Variants in GLI3 observed in about 807,000 individuals in gnomAD.
GLI3 encodes transcription activator GLI3.
A neutral mutation model predicts 100.8 loss-of-function variants in GLI3; 20 were observed. The observed-to-expected ratio is 0.20, with a 90% CI of 0.14 to 0.29. The LOEUF (loss-of-function observed/expected upper bound fraction) is 0.29. Among genes scored for constraint, GLI3 ranks in the 10% least tolerant of loss-of-function variants. GLI3 has a pLI of 1.00. For synonymous variants in GLI3, 938 were observed against 860.5 expected (o/e 1.09, Z -1.58); for missense variants, 2,040 against 2,128.5 (o/e 0.96, Z 0.82).
Position 42,114,572 on chromosome 7 carries a change from C to T in GLI3, c.367+33654G>A, listed in dbSNP as rs10235093. Among the ~76,000 whole-genome samples, 361 of 152,340 alleles carry T rather than the reference C, an allele frequency of 2.4e-3. 3 individuals are homozygous for T. Among genetic ancestry groups the T allele is most frequent in the African/African-American group, 8.0e-3 (333 of 41,584 alleles). On this transcript the variant is annotated intron_variant, in intron 3 of 14. Transcript: ENST00000395925. ...GTCACTGCTAAGTGACACATCCGCA[C>T]TGTGCTGTGAAGTTCCAAGAACCCT... is the stretch of plus-strand genomic sequence containing the variant.
intron 10 of GLI3, 117 bp downstream of exon 10, chr7:42,023,351 C>T: frequency 1.9e-6 from 2 of 1,029,658 alleles, no homozygotes; most frequent in Non-Finnish European, 3.0e-6. Flanking sequence ...ATAAAGCCCT[C>T]TCCAGTTCGC....
chr7:42,082,086 C>G (rs901969809), intron 3 of GLI3, among the ~76,000 whole-genome samples: 4 of 151,876 alleles, frequency 2.6e-5, no homozygotes, highest in Non-Finnish European at 4.4e-5. Flanking sequence ...TAAACAGCAT[C>G]CGCTATGCTA....
At chr7:42,228,259 G>C (rs2128704501) in intron 1 of GLI3, among the ~76,000 whole-genome samples, 1 of 152,274 alleles carries the variant, frequency 6.6e-6, no homozygotes, top group South Asian at 2.1e-4. Flanking sequence ...GCTCAGAGAC[G>C]GCTCTGGGTG....
At chr7:42,228,540 G>A (rs1429093231) in intron 1 of GLI3, among the ~76,000 whole-genome samples, 1 of 152,194 alleles carries the variant, frequency 6.6e-6, no homozygotes, top group Non-Finnish European at 1.5e-5. Flanking sequence ...AGTTGGCCCA[G>A]CCAAATTTCC....
In GLI3 at chr7:42,154,826, G is replaced by A. The variant is rs746014625; in HGVS notation, c.125-6358C>T. ...GTCTAGAGCTTGGCTTCCAAAGGGCGTGAGCAAACAATGCCCACTCTAAGA... is the reference window on the plus strand; with the variant it reads ...GTCTAGAGCTTGGCTTCCAAAGGGCATGAGCAAACAATGCCCACTCTAAGA... On this transcript the variant is annotated intron_variant, in intron 2 of 14. Transcript: ENST00000395925. Among the ~76,000 whole-genome samples the A allele has an allele frequency of 2.1e-3, 319 of 152,336 alleles. 3 individuals are homozygous for A. Among genetic ancestry groups the A allele is most frequent in the East Asian group, 5.8e-4 (3 of 5,180 alleles).
chr7:42,144,819 T>C (rs1786662624), intron 3 of GLI3, among the ~76,000 whole-genome samples: 1 of 152,150 alleles, frequency 6.6e-6, no homozygotes, highest in South Asian at 2.1e-4. Context: ...AATGAAGGAA[T>C]TGCTGTGAGT....
At chr7:41,986,458 C>T (rs2237431) in intron 10 of GLI3, among the ~76,000 whole-genome samples, 75,494 of 144,858 alleles carry the variant, frequency 0.52, 20,192 homozygotes, top group East Asian at 0.82. Flanking sequence ...CTGGACTATG[C>T]TTCACTGCAG....
intron 3 of GLI3, among the ~76,000 whole-genome samples, chr7:42,143,075 C>T (rs1786611913): frequency 6.6e-6 from 1 of 151,958 alleles, no homozygotes; most frequent in Non-Finnish European, 1.5e-5. Flanking sequence ...GGGAGCTATT[C>T]TCAAGCTCAC....
intron 3 of GLI3, among the ~76,000 whole-genome samples, chr7:42,136,502 G>C (rs1441335003): frequency 1.3e-5 from 2 of 152,196 alleles, no homozygotes; most frequent in South Asian, 2.1e-4. Flanking sequence ...TATGGCCTGT[G>C]GTGGTGATTA....
At chr7:42,119,074 G>C (rs1785931256) in intron 3 of GLI3, among the ~76,000 whole-genome samples, 1 of 152,158 alleles carries the variant, frequency 6.6e-6, no homozygotes, top group South Asian at 2.1e-4. Flanking sequence ...TCACCTACAA[G>C]TGACAAGGCT....
At chr7:42,209,220 A>G (rs1487150406) in intron 2 of GLI3, among the ~76,000 whole-genome samples, 2 of 151,862 alleles carry the variant, frequency 1.3e-5, no homozygotes, top group East Asian at 3.9e-4. Flanking sequence ...CTAATTTTTT[A>G]ATAATTTTTT....
chr7:41,987,288 C>A (rs1211223406), intron 10 of GLI3, among the ~76,000 whole-genome samples: 3 of 151,998 alleles, frequency 2.0e-5, no homozygotes, highest in African/African-American at 7.2e-5. Flanking sequence ...TCTGCCTCAG[C>A]CTCCTGAGCA....
intron 3 of GLI3, among the ~76,000 whole-genome samples, chr7:42,117,831 C>T (rs1033046141): frequency 1.1e-4 from 17 of 152,216 alleles, no homozygotes; most frequent in Non-Finnish European, 2.4e-4. Flanking sequence ...GAAAGAAAAC[C>T]CAGCTCGAGG....
intron 3 of GLI3, chr7:42,118,378 A>G (rs529918300): frequency 5.0e-6 from 2 of 398,568 alleles, no homozygotes; most frequent in Admixed American, 4.4e-5. Flanking sequence ...TGATGGATAC[A>G]AAGTTTAGAG....
At chr7:42,065,579 AT>A (rs1279797896) in intron 4 of GLI3, among the ~76,000 whole-genome samples, 1 of 152,198 alleles carries the variant, frequency 6.6e-6, no homozygotes, top group Non-Finnish European at 1.5e-5. Context: ...AAAAAATAGC[AT>A]ATGTACAAGA....
chr7:42,174,455 G>A (rs917395231), intron 2 of GLI3, among the ~76,000 whole-genome samples: 3 of 152,140 alleles, frequency 2.0e-5, no homozygotes, highest in African/African-American at 7.2e-5. Flanking sequence ...CAGTCCCGCG[G>A]ACTCAGTGGA....
At chr7:42,154,368 C>A (rs1311074938) in intron 2 of GLI3, among the ~76,000 whole-genome samples, 1 of 152,172 alleles carries the variant, frequency 6.6e-6, no homozygotes, top group Non-Finnish European at 1.5e-5. Context: ...TTGTGTGTTC[C>A]AGGCATTTTT....
chr7:42,248,720 TAATAA>T (rs1240478277), intron 1 of GLI3, among the ~76,000 whole-genome samples: 1 of 152,198 alleles, frequency 6.6e-6, no homozygotes, highest in East Asian at 1.9e-4. Context: ...ATTTCTATTA[TAATAA>T]AATATTAATT....
At chr7:42,079,164 A>C (rs1411780452) in intron 3 of GLI3, among the ~76,000 whole-genome samples, 10 of 152,228 alleles carry the variant, frequency 6.6e-5, no homozygotes. Flanking sequence ...TGATTTGGTA[A>C]GTTTGAAAGT....
Sources: gnomAD v4.1 joint callset for allele counts (sites outside exome capture counted in the v4.1 genomes callset) on GRCh38, gnomAD v4.1.1 for gene constraint, MANE v1.5 for transcripts, NCBI Gene and HGNC (gene_info 2026-07-23, HGNC 2026-07-21) for gene names.